Variants in CTCFL observed in about 807,000 individuals in gnomAD.
CTCFL encodes the protein transcriptional repressor CTCFL.
A neutral mutation model predicts 67.4 loss-of-function variants in CTCFL; 36 were observed. That is an observed-to-expected ratio of 0.53 (90% CI 0.41 to 0.71). The LOEUF is 0.71. CTCFL is among the 30% of genes least tolerant of loss of function. The pLI is 0.00. For missense variants in CTCFL, 786 were observed against 835.2 expected (o/e 0.94, Z 0.73); for synonymous variants, 324 against 302.3 (o/e 1.07, Z -0.75).
chr20:57,496,041 T>C (rs375380531), downstream of CTCFL: 6 of 395,786 alleles, frequency 1.5e-5, no homozygotes, highest in South Asian at 1.4e-4. Context: ...TGATATAGTT[T>C]GGATATTTGT....
At chr20:57,511,992 T>C (rs542149689) in intron 8 of CTCFL, among the ~76,000 whole-genome samples, 51 of 152,336 alleles carry the variant, frequency 3.3e-4, no homozygotes, top group African/African-American at 1.2e-3. Flanking sequence ...TGACATTCAC[T>C]GAGAAAGTGG....
Position 57,498,545 on chromosome 20 carries a change from C to T in CTCFL, c.*5G>A, listed in dbSNP as rs752275403. On this transcript the variant is annotated 3_prime_UTR_variant, in exon 11 of 11. Transcript: ENST00000243914. ...GGGGCAGTGAACACGCAACCCGAATCCCTCTCACTTATCCATCGTGTTGAG... is the reference window on the plus strand; with the variant it reads ...GGGGCAGTGAACACGCAACCCGAATTCCTCTCACTTATCCATCGTGTTGAG... 32 of 1,609,876 alleles carry T rather than the reference C, an allele frequency of 2.0e-5. No individual in the cohort carries two copies. In the South Asian group the frequency reaches 2.9e-4, roughly 14 times the overall value.
At chr20:57,507,673 T>C (rs1160950100) in intron 9 of CTCFL, 1 of 703,026 alleles carries the variant, frequency 1.4e-6, no homozygotes, top group Non-Finnish European at 2.6e-6. Flanking sequence ...GTGGATCCTC[T>C]GGCCCCAGTC....
At chr20:57,524,882 G>T in intron 1 of CTCFL, 146 bp downstream of exon 1, 1 of 421,804 alleles carries the variant, frequency 2.4e-6, no homozygotes, top group Non-Finnish European at 3.1e-6. Context: ...CCCACGCCCC[G>T]CCCCGACCCG....
At chr20:57,508,557 A>AT in intron 9 of CTCFL, 49 bp downstream of exon 9, 2 of 1,568,884 alleles carry the variant, frequency 1.3e-6, no homozygotes, top group South Asian at 2.3e-5. Context: ...TCCTCCTGAG[A>AT]TAGAGGGATC....
At chr20:57,499,245 A>C (rs1014929114) in intron 10 of CTCFL, among the ~76,000 whole-genome samples, 2 of 152,228 alleles carry the variant, frequency 1.3e-5, no homozygotes, top group African/African-American at 4.8e-5. Context: ...CTACATGAAG[A>C]AAGCCAGTTG....
intron 6 of CTCFL, 24 bp from the exon 7 acceptor site, chr20:57,514,765 T>C (rs759840307): frequency 1.2e-6 from 2 of 1,611,994 alleles, no homozygotes; most frequent in Non-Finnish European, 1.7e-6. Context: ...AACAAAGTGA[T>C]TCCCCCTCCA....
chr20:57,522,230 C>T (rs2069428837), intron 3 of CTCFL, among the ~76,000 whole-genome samples: 1 of 152,162 alleles, frequency 6.6e-6, no homozygotes, highest in Non-Finnish European at 1.5e-5. Context: ...TTCTCCTTTT[C>T]TAAACTGAGT....
chr20:57,518,635 A>C, intron 5 of CTCFL, 123 bp downstream of exon 5: 2 of 1,571,472 alleles, frequency 1.3e-6, no homozygotes, highest in South Asian at 1.1e-5. Flanking sequence ...TTCCTGCATA[A>C]ATTTTATATG....
Position 57,518,907 on chromosome 20 carries a change from G to A in CTCFL, c.926-16C>T, listed in dbSNP as rs762652848. 2.2e-5 allele frequency: 35 copies of A among 1,597,100 alleles called. No individual in the cohort carries two copies. Among genetic ancestry groups the A allele is most frequent in the Non-Finnish European group, 2.7e-5 (32 of 1,170,232 alleles). On this transcript the variant is annotated splice_polypyrimidine_tract_variant and intron_variant, in intron 4 of 10. Coordinates refer to ENST00000243914, the MANE Select transcript of CTCFL (RefSeq NM_001386993.1). ...GGCCTGGTTCCTGTAAAATCACATA[G>A]TTCATACTTTCAAAACAAGACTTAA...
intron 3 of CTCFL, among the ~76,000 whole-genome samples, chr20:57,522,297 G>A (rs1338425377): frequency 6.6e-6 from 1 of 152,176 alleles, no homozygotes; most frequent in Non-Finnish European, 1.5e-5. Flanking sequence ...GCCAAGTGTT[G>A]CCAGATATAA....
At chr20:57,524,272 G>C in intron 1 of CTCFL, 56 bp from the exon 2 acceptor site, 1 of 1,542,006 alleles carries the variant, frequency 6.5e-7, no homozygotes, top group South Asian at 1.3e-5. Context: ...GTGGTATGAG[G>C]AGGGATGCGG....
chr20:57,518,610 G>A (rs745326932), intron 5 of CTCFL, 148 bp downstream of exon 5: 8 of 1,520,088 alleles, frequency 5.3e-6, no homozygotes, highest in African/African-American at 1.4e-5. Context: ...CTTCATAAAA[G>A]AGAATGCATA....
At chr20:57,520,686 C>G (rs1290247759) in intron 3 of CTCFL, among the ~76,000 whole-genome samples, 2 of 152,200 alleles carry the variant, frequency 1.3e-5, no homozygotes, top group African/African-American at 4.8e-5. Context: ...ACAAGATCAT[C>G]TCAATAGATG....
chr20:57,512,444 G>C (rs751065828), intron 8 of CTCFL, 148 bp downstream of exon 8: 28 of 735,128 alleles, frequency 3.8e-5, no homozygotes, highest in Non-Finnish European at 5.9e-5. Context: ...TTGAATGACT[G>C]GCTCACAGTT....
At chr20:57,509,905 G>A (rs1002908316) in intron 8 of CTCFL, among the ~76,000 whole-genome samples, 18 of 152,100 alleles carry the variant, frequency 1.2e-4, no homozygotes, top group Middle Eastern at 6.3e-3. Context: ...CTCTGCCCAC[G>A]GCCATGACCT....
At chr20:57,524,421 C>A (rs1421647234) in intron 1 of CTCFL, 9 of 1,407,448 alleles carry the variant, frequency 6.4e-6, no homozygotes, top group Non-Finnish European at 8.3e-6. Flanking sequence ...TAGGCTAAAG[C>A]AGGATTTTGT....
At chr20:57,506,895 AACTAATAGGGTTG>A in intron 9 of CTCFL, 2 of 985,390 alleles carry the variant, frequency 2.0e-6, no homozygotes, top group Non-Finnish European at 1.2e-6. Flanking sequence ...TGAAATTTTA[AACTAATAGGGTTG>A]ACATTCCAGA....
rs148934200 is a variant in CTCFL, at chr20:57,520,743, C to T, written c.755-1366G>A. On this transcript the variant is annotated intron_variant, in intron 3 of 10. Coordinates refer to ENST00000243914, the MANE Select transcript of CTCFL (RefSeq NM_001386993.1). The stretch of plus-strand genomic sequence containing the variant: ...CCAACACCGTTTTCTTGATAAAATA[C>T]TCAACAAACTTGGAATAGAAGGTTT... Among the ~76,000 whole-genome samples the T allele has an allele frequency of 2.4e-4, 36 of 152,296 alleles. No homozygotes were observed. The East Asian group carries it at 6.4e-3, about 27-fold the overall frequency.
Sources: allele counts gnomAD v4.1 joint callset (sites outside exome capture counted in the v4.1 genomes callset), GRCh38; gene constraint gnomAD v4.1.1; transcripts MANE v1.5; gene names NCBI Gene and HGNC (gene_info 2026-07-23, HGNC 2026-07-21).